NCLN: variants seen among roughly 807,000 people sequenced by gnomAD.
NCLN encodes nicalin.
NCLN carries 34 observed loss-of-function variants against 69.5 expected under a neutral mutation model. The observed-to-expected ratio is 0.49, with a 90% CI of 0.37 to 0.65. The LOEUF (loss-of-function observed/expected upper bound fraction) is 0.65, where lower values mean the gene tolerates loss of function less well. Ranked by LOEUF, NCLN falls within the 30% of genes least tolerant of loss-of-function variation. The pLI, the probability that NCLN is intolerant of heterozygous loss-of-function variation, is 0.00. For synonymous variants in NCLN, 393 were observed against 358.3 expected (o/e 1.10, Z -1.09); for missense variants, 710 against 804.8 (o/e 0.88, Z 1.42).
At chr19:3,186,990 G>C (rs1255005807) in intron 1 of NCLN, among the ~76,000 whole-genome samples, 4 of 152,012 alleles carry the variant, frequency 2.6e-5, no homozygotes, top group Non-Finnish European at 4.4e-5. Flanking sequence ...AGCTTCCCTG[G>C]TCTCCTCCCA....
At chr19:3,187,998 C>T (rs543118625) in intron 1 of NCLN, among the ~76,000 whole-genome samples, 6 of 152,082 alleles carry the variant, frequency 3.9e-5, no homozygotes, top group Non-Finnish European at 7.4e-5. Flanking sequence ...CCTGTGCAAC[C>T]GGGGGGCAGG....
At chr19:3,204,276 C>A in intron 8 of NCLN, 132 bp downstream of exon 8, 2 of 1,175,074 alleles carry the variant, frequency 1.7e-6, no homozygotes, top group South Asian at 1.8e-5. Context: ...GTGTCGGGGT[C>A]GGGCTGGGGT....
At position 3,192,580 on chromosome 19, in the gene NCLN, A is replaced by G; in HGVS notation, c.295A>G (p.Lys99Glu). The change falls in exon 2 of 15, where the codon AAG becomes GAG. Residue 99 changes from lysine (K) to glutamate (E), a missense_variant. Physicochemically the swap from Lys to Glu is moderately conservative, Grantham distance 56 (BLOSUM62 1). Transcript: ENST00000246117. ...LLDFSYEQYQ[K>E]ALRQSAGAVV... is the part of the protein sequence containing the mutation. ...GGACTTCTCCTACGAGCAGTACCAG[A>G]AGGCCCTGCGGCAGTCGGCGGGCGC... 1 of 1,608,482 alleles carries G rather than the reference A, an allele frequency of 6.2e-7. No individual in the cohort carries two copies. Among genetic ancestry groups the G allele is most frequent in the Non-Finnish European group, 8.5e-7 (1 of 1,177,518 alleles).
chr19:3,186,582 C>T (rs756412274), intron 1 of NCLN, among the ~76,000 whole-genome samples: 4 of 152,218 alleles, frequency 2.6e-5, no homozygotes, highest in Non-Finnish European at 5.9e-5. Flanking sequence ...TGGGCCCCCT[C>T]CGCCCCTTAG....
At chr19:3,188,172 C>T (rs1915719087) in intron 1 of NCLN, among the ~76,000 whole-genome samples, 1 of 152,282 alleles carries the variant, frequency 6.6e-6, no homozygotes, top group African/African-American at 2.4e-5. Context: ...CCTGGTCCTC[C>T]AGCTCACCCG....
At chr19:3,192,845 G>A (rs952301740) in intron 2 of NCLN, among the ~76,000 whole-genome samples, 185 bp downstream of exon 2, 4 of 152,288 alleles carry the variant, frequency 2.6e-5, no homozygotes, top group African/African-American at 9.6e-5. Context: ...GGTGATGACC[G>A]GAGGTGTTCA....
chr19:3,203,296 G>A (rs1426988699), intron 6 of NCLN, among the ~76,000 whole-genome samples: 2 of 151,220 alleles, frequency 1.3e-5, no homozygotes, highest in African/African-American at 2.4e-5. Context: ...CAGAAAGAGC[G>A]AAACTCCGTC....
At chr19:3,203,636 C>G in intron 6 of NCLN, 120 bp from the exon 7 acceptor site, 1 of 868,014 alleles carries the variant, frequency 1.2e-6, no homozygotes, top group Non-Finnish European at 1.8e-6. Flanking sequence ...AGGGGCTGGT[C>G]AGGATTTCCT....
Position 3,203,758 on chromosome 19 carries a change from A to G in NCLN, c.803A>G (p.Tyr268Cys), listed in dbSNP as rs1196328096. Reference sequence around the variant, plus strand: ...TAACACTGGGTCTTCCCTCCCAGCTACAACCTCCTGTTCTTTGCGTCTGGA... The same window carrying G: ...TAACACTGGGTCTTCCCTCCCAGCTGCAACCTCCTGTTCTTTGCGTCTGGA... ...LYTYKRTHAAYNLLFFASGGG... is the reference protein window; with the variant it reads ...LYTYKRTHAACNLLFFASGGG... Residue 268 changes from tyrosine to cysteine, a missense_variant and splice_region_variant, in exon 7 of 15, where the codon TAC (tyrosine) becomes TGC (cysteine). Physicochemically the swap from Tyr to Cys is radical, Grantham distance 194 (BLOSUM62 -2). Coordinates refer to ENST00000246117, the MANE Select transcript of NCLN (RefSeq NM_020170.4). 4 of 1,611,254 alleles carry G rather than the reference A, an allele frequency of 2.5e-6. No homozygotes were observed. The highest frequency in any genetic ancestry group is 2.2e-5 in the East Asian group (1 of 44,824).
At chr19:3,199,395 G>A (rs943999548) in intron 5 of NCLN, among the ~76,000 whole-genome samples, 6 of 152,260 alleles carry the variant, frequency 3.9e-5, no homozygotes, top group Admixed American at 3.3e-4. Context: ...TGTCACCAGC[G>A]AGACTTCCAG....
At chr19:3,192,358 T>A (rs1190795321) in intron 1 of NCLN, 112 bp from the exon 2 acceptor site, 5 of 840,702 alleles carry the variant, frequency 5.9e-6, no homozygotes, top group Non-Finnish European at 8.5e-6. Flanking sequence ...TCTTCCAGGT[T>A]GTGGGCTGGG....
chr19:3,191,481 A>T (rs1001028682), intron 1 of NCLN, among the ~76,000 whole-genome samples: 1 of 152,158 alleles, frequency 6.6e-6, no homozygotes, highest in Admixed American at 6.5e-5. Flanking sequence ...CTGGATTTCT[A>T]GAAAGCTTAC....
rs1916251951 is a variant in NCLN, at chr19:3,205,884, C to G, written c.1209-55C>G. The G allele has an allele frequency of 6.5e-7, 1 of 1,536,890 alleles. No homozygotes were observed. Among genetic ancestry groups the G allele is most frequent in the Admixed American group, 1.7e-5 (1 of 59,726 alleles). On this transcript the variant is annotated intron_variant, in intron 9 of 14. Transcript: ENST00000246117. The surrounding 1 kb of genome is among the most constrained non-coding windows in gnomAD (Gnocchi z 4.6). Reference sequence around the variant, plus strand: ...AGTGCTGGGATTACAAGTGTGAGAGCTACCTTGCCTGGCCCAAAGTCCACA... The same window carrying G: ...AGTGCTGGGATTACAAGTGTGAGAGGTACCTTGCCTGGCCCAAAGTCCACA...
rs756988974 is a variant in NCLN at position 3,185,982 on chromosome 19, C to CGCCGTCCCGTCCCAGCT, written c.-44_-28dup. ...GTGAGTCCGCGGGAGCCGCCGCCGC[C>CGCCGTCCCGTCCCAGCT]GCCGTCCCGTCCCAGCTGCCGCCCC... is the stretch of plus-strand genomic sequence containing the variant. On this transcript the variant is annotated 5_prime_UTR_variant, in exon 1 of 15. Coordinates refer to ENST00000246117, the MANE Select transcript of NCLN (RefSeq NM_020170.4). 1.8e-5 allele frequency: 25 copies of CGCCGTCCCGTCCCAGCT among 1,392,564 alleles called. No homozygotes were observed. The highest frequency in any genetic ancestry group is 2.6e-4 in the Middle Eastern group (1 of 3,810). The allele number at this position is 1,392,564 out of a possible 1,614,324, so 86.3% of individuals were successfully genotyped here. A position where few individuals can be genotyped will look rare whatever the true frequency, so the allele number is the denominator to read the frequency against.
chr19:3,204,702 C>T lies in NCLN; in HGVS notation c.1159C>T (p.His387Tyr). Residue 387 changes from histidine to tyrosine, a missense_variant, in exon 9 of 15, where the codon CAC becomes TAC. By Grantham distance (83) the His-to-Tyr change is moderately conservative. Transcript: ENST00000246117. ...IRRLPAFTLS[H>Y]LESHRDGQRS... Reference sequence around the variant, plus strand: ...CCGACTGCCCGCCTTCACGCTGTCCCACCTGGAGAGCCACCGTGACGGCCA... The same window carrying T: ...CCGACTGCCCGCCTTCACGCTGTCCTACCTGGAGAGCCACCGTGACGGCCA... 4 of 1,599,010 alleles carry T rather than the reference C, an allele frequency of 2.5e-6. No individual in the cohort carries two copies. Among genetic ancestry groups the T allele is most frequent in the Non-Finnish European group, 3.4e-6 (4 of 1,172,950 alleles).
chr19:3,187,941 C>G (rs1328688119), intron 1 of NCLN, among the ~76,000 whole-genome samples: 1 of 152,138 alleles, frequency 6.6e-6, no homozygotes, highest in Non-Finnish European at 1.5e-5. Flanking sequence ...TGCTGCCTGG[C>G]ACAGGAGCCA....
intron 6 of NCLN, among the ~76,000 whole-genome samples, chr19:3,202,702 C>T (rs1461032383): frequency 6.6e-6 from 1 of 152,168 alleles, no homozygotes; most frequent in Non-Finnish European, 1.5e-5. Context: ...CCTCAGCCTC[C>T]TAAAGCACTA....
At chr19:3,192,723 T>C (rs2144899294) in intron 2 of NCLN, 63 bp downstream of exon 2, 2 of 1,424,544 alleles carry the variant, frequency 1.4e-6, no homozygotes, top group South Asian at 1.5e-5. Flanking sequence ...TGGAGGCAAC[T>C]GTGTGACCCT....
intron 3 of NCLN, 80 bp downstream of exon 3, chr19:3,193,508 T>C: frequency 6.9e-7 from 1 of 1,453,976 alleles, no homozygotes; most frequent in South Asian, 1.4e-5. Context: ...GCGGTCACCC[T>C]GGGCTGTTTC....
Sources: allele counts gnomAD v4.1 joint callset (sites outside exome capture counted in the v4.1 genomes callset), GRCh38; gene constraint gnomAD v4.1.1; non-coding constraint Gnocchi (gnomAD v3.1); transcripts MANE v1.5; gene names NCBI Gene and HGNC (gene_info 2026-07-23, HGNC 2026-07-21).